PEAK1: variants seen among roughly 807,000 people sequenced by gnomAD.
PEAK1 encodes pseudopodium enriched atypical kinase 1.
PEAK1 carries 54 observed loss-of-function variants against 124.7 expected under a neutral mutation model. The observed-to-expected ratio is 0.43, with a 90% CI of 0.35 to 0.54. The LOEUF is 0.54. PEAK1 is among the 20% of genes least tolerant of loss of function. PEAK1 has a pLI of 0.01. For synonymous variants in PEAK1, 719 were observed against 760.0 expected (o/e 0.95, Z 0.89); for missense variants, 2,046 against 2,134.5 (o/e 0.96, Z 0.82).
chr15:77,336,675 C>G (rs1252029113), intron 2 of PEAK1: 1 of 382,126 alleles, frequency 2.6e-6, no homozygotes, highest in Non-Finnish European at 3.6e-6. Flanking sequence ...TGATTATATA[C>G]CTCTATAAAA....
chr15:77,255,525 C>T, intron 5 of PEAK1: 2 of 290,790 alleles, frequency 6.9e-6, no homozygotes, highest in Non-Finnish European at 1.0e-5. Flanking sequence ...GAAAAATATT[C>T]CCAAAATATG....
In PEAK1 at chr15:77,133,059, C is replaced by A; in HGVS notation, c.4023G>T (p.Ala1341=). Residue 1341 remains alanine, a synonymous_variant, in exon 9 of 10, where the codon GCG becomes GCT. Coordinates refer to ENST00000682557, the MANE Select transcript of PEAK1 (RefSeq NM_001385026.1). This position sits in a 1 kb window ranked among gnomAD's most constrained non-coding sequence, Gnocchi z 4.2. ...SDKPCCEAGD[A]VYYTASYAKD... is the part of the protein sequence containing the mutation. The stretch of plus-strand genomic sequence containing the variant: ...TTGCATATGAAGCAGTATAGTAAAC[C>A]GCATCACCTGCCTCACAACATGGTT... 3 of 1,614,034 alleles carry A rather than the reference C, an allele frequency of 1.9e-6. No homozygotes were observed. The highest frequency in any genetic ancestry group is 2.5e-6 in the Non-Finnish European group (3 of 1,179,972).
At chr15:77,317,853 A>G (rs957600837) in intron 2 of PEAK1, among the ~76,000 whole-genome samples, 2 of 152,242 alleles carry the variant, frequency 1.3e-5, no homozygotes, top group Admixed American at 6.5e-5. Flanking sequence ...ACCAACCAGC[A>G]TAACTATTGA....
At chr15:77,363,464 T>G (rs896982140) in intron 2 of PEAK1, among the ~76,000 whole-genome samples, 5 of 152,222 alleles carry the variant, frequency 3.3e-5, no homozygotes, top group African/African-American at 1.2e-4. Context: ...CTCAGTACCT[T>G]CCTCCACTCC....
chr15:77,264,958 G>A (rs1056993708), intron 5 of PEAK1, among the ~76,000 whole-genome samples: 2,560 of 152,156 alleles, frequency 0.017, 83 homozygotes, highest in African/African-American at 0.059. Context: ...CTGCATATCT[G>A]CAACTATCTA....
chr15:77,151,343 C>T lies in PEAK1; in HGVS notation c.3331+7160G>A, dbSNP rs188665242. 7.5e-4 allele frequency among the ~76,000 whole-genome samples: 114 copies of T among 152,236 alleles called. 1 individual carries two copies. Among genetic ancestry groups the T allele is most frequent in the Admixed American group, 7.5e-3 (114 of 15,294 alleles). On this transcript the variant is annotated intron_variant, in intron 8 of 9. Coordinates refer to ENST00000682557, the MANE Select transcript of PEAK1 (RefSeq NM_001385026.1). Reference sequence around the variant, plus strand: ...GAAGTGTCTGTTCATATCCTTTGCCCACTTTTTGATGGTGTTGTTTTCTTT... The same window carrying T: ...GAAGTGTCTGTTCATATCCTTTGCCTACTTTTTGATGGTGTTGTTTTCTTT...
intron 2 of PEAK1, among the ~76,000 whole-genome samples, chr15:77,351,202 C>G (rs1312362023): frequency 6.6e-6 from 1 of 152,122 alleles, no homozygotes; most frequent in African/African-American, 2.4e-5. Flanking sequence ...GTCAGACTAC[C>G]TAATATTTAA....
chr15:77,337,659 T>C (rs1363182042), intron 2 of PEAK1: 8 of 985,274 alleles, frequency 8.1e-6, no homozygotes, highest in East Asian at 1.1e-4. Context: ...TCTAAAACCA[T>C]GGCATATGCA....
intron 2 of PEAK1, among the ~76,000 whole-genome samples, chr15:77,340,475 T>C (rs766073334): frequency 4.6e-5 from 7 of 152,124 alleles, no homozygotes; most frequent in Non-Finnish European, 8.8e-5. Context: ...GAAGGAGGAA[T>C]GAATGAATGG....
chr15:77,161,852 GC>G (rs1212949098), intron 7 of PEAK1, among the ~76,000 whole-genome samples: 4 of 151,380 alleles, frequency 2.6e-5, no homozygotes, highest in African/African-American at 4.9e-5. Flanking sequence ...TATAATCCCA[GC>G]TACTCGGGAG....
At chr15:77,171,086 C>T (rs1267896821) in intron 7 of PEAK1, among the ~76,000 whole-genome samples, 1 of 151,784 alleles carries the variant, frequency 6.6e-6, no homozygotes, top group Non-Finnish European at 1.5e-5. Context: ...AATATTAGTG[C>T]CAGAAAATAT....
intron 9 of PEAK1, among the ~76,000 whole-genome samples, chr15:77,116,996 T>C (rs1261272673): frequency 6.6e-6 from 1 of 152,204 alleles, no homozygotes; most frequent in Non-Finnish European, 1.5e-5. Flanking sequence ...TTTTTGTAAC[T>C]GCACTGTTGG....
chr15:77,241,246 A>C (rs916133717), intron 6 of PEAK1, among the ~76,000 whole-genome samples: 1 of 152,210 alleles, frequency 6.6e-6, no homozygotes, highest in Non-Finnish European at 1.5e-5. Flanking sequence ...CCATATGATC[A>C]TATCAATTGA....
chr15:77,264,513 A>C (rs1476854941), intron 5 of PEAK1, among the ~76,000 whole-genome samples: 1 of 152,202 alleles, frequency 6.6e-6, no homozygotes, highest in Non-Finnish European at 1.5e-5. Flanking sequence ...AATTGCTTCA[A>C]AGAGAATACA....
intron 6 of PEAK1, among the ~76,000 whole-genome samples, chr15:77,192,518 A>G (rs922666311): frequency 6.6e-6 from 1 of 152,186 alleles, no homozygotes; most frequent in Admixed American, 6.5e-5. Context: ...CCCCCAATAA[A>G]AATATGCTGG....
intron 5 of PEAK1, among the ~76,000 whole-genome samples, chr15:77,255,830 A>C (rs1373687406): frequency 2.6e-5 from 4 of 152,236 alleles, no homozygotes; most frequent in Admixed American, 2.6e-4. Context: ...ATTAGATAAC[A>C]AATTCTGAGC....
At chr15:77,418,079 G>A in intron 1 of PEAK1, 2 of 984,190 alleles carry the variant, frequency 2.0e-6, no homozygotes, top group East Asian at 1.1e-4. Context: ...CTTCAGGGTA[G>A]ACTCTTAAAA....
intron 2 of PEAK1, among the ~76,000 whole-genome samples, chr15:77,346,935 C>T (rs991578509): frequency 2.0e-5 from 3 of 152,096 alleles, no homozygotes; most frequent in Non-Finnish European, 4.4e-5. Flanking sequence ...GAAAACAAAA[C>T]GCAGCCATGT....
chr15:77,301,157 G>C (rs1032393737), intron 2 of PEAK1, among the ~76,000 whole-genome samples: 2 of 152,152 alleles, frequency 1.3e-5, no homozygotes, highest in Non-Finnish European at 2.9e-5. Context: ...GTAATTAGCA[G>C]GGCTGCACTC....
Sources: allele counts gnomAD v4.1 joint callset (sites outside exome capture counted in the v4.1 genomes callset), GRCh38; gene constraint gnomAD v4.1.1; non-coding constraint Gnocchi (gnomAD v3.1); transcripts MANE v1.5; gene names NCBI Gene and HGNC (gene_info 2026-07-23, HGNC 2026-07-21).